DHRS4L2: variants seen among roughly 807,000 people sequenced by gnomAD.
DHRS4L2 encodes dehydrogenase/reductase SDR family member 4-like 2.
A neutral mutation model predicts 23.9 loss-of-function variants in DHRS4L2; 22 were observed. The ratio of observed to expected loss-of-function variants is 0.92; its 90% CI spans 0.66 to 1.31. The LOEUF is 1.31. Ranked by LOEUF, DHRS4L2 falls within the 40% of genes most tolerant of loss-of-function variation. The pLI is 0.00. For synonymous variants in DHRS4L2, 141 were observed against 123.7 expected, an observed-to-expected ratio of 1.14 and a Z score of -0.93; for missense variants, 385 against 303.3, an observed-to-expected ratio of 1.27 and a Z score of -2.00.
At chr14:23,976,222 A>G (rs962819110) in intron 1 of DHRS4L2, among the ~76,000 whole-genome samples, 1 of 151,890 alleles carries the variant, frequency 6.6e-6, no homozygotes, top group Non-Finnish European at 1.5e-5. Flanking sequence ...ACAAAGGTCT[A>G]ATATTCAGAA....
At chr14:23,994,427 C>G (rs1285276979) in intron 2 of DHRS4L2, among the ~76,000 whole-genome samples, 5 of 151,730 alleles carry the variant, frequency 3.3e-5, no homozygotes, top group Admixed American at 1.3e-4. Flanking sequence ...TTCCTGGTGG[C>G]TTGTGCCTAT....
At chr14:24,001,210 A>G in intron 5 of DHRS4L2, 126 bp downstream of exon 5, 1 of 1,587,282 alleles carries the variant, frequency 6.3e-7, no homozygotes, top group Non-Finnish European at 8.6e-7. Context: ...CCCACAAAAT[A>G]GATGCCTTGC....
chr14:23,997,887 T>A (rs1317035505), intron 3 of DHRS4L2, among the ~76,000 whole-genome samples: 1 of 151,864 alleles, frequency 6.6e-6, no homozygotes, highest in Non-Finnish European at 1.5e-5. Flanking sequence ...AAATGGTGCA[T>A]CCTTTACAGA....
intron 1 of DHRS4L2, among the ~76,000 whole-genome samples, chr14:23,976,095 A>G (rs2033958461): frequency 6.6e-6 from 1 of 151,644 alleles, no homozygotes; most frequent in African/African-American, 2.4e-5. Flanking sequence ...ACAAAAGCCA[A>G]AATAGACTAA....
At chr14:23,986,137 A>G (rs1431571218), upstream of DHRS4L2, among the ~76,000 whole-genome samples, 2 of 151,492 alleles carry the variant, frequency 1.3e-5, no homozygotes, top group Non-Finnish European at 2.9e-5. Flanking sequence ...GATTACAGGC[A>G]TGAGCCACCA....
intron 1 of DHRS4L2, among the ~76,000 whole-genome samples, chr14:23,971,809 AC>A (rs2033863081): frequency 6.6e-6 from 1 of 152,106 alleles, no homozygotes; most frequent in African/African-American, 2.4e-5. Context: ...GGCCTGCCTT[AC>A]AATAAGAGCT....
intron 6 of DHRS4L2, among the ~76,000 whole-genome samples, chr14:24,001,833 G>A (rs2138561303): frequency 9.2e-6 from 1 of 108,200 alleles, no homozygotes; most frequent in South Asian, 3.4e-4. Context: ...GATGAGGGCA[G>A]TGGGGAGAGC....
chr14:23,993,206 T>G (rs1398644670), intron 2 of DHRS4L2, among the ~76,000 whole-genome samples: 1 of 151,610 alleles, frequency 6.6e-6, no homozygotes, highest in Non-Finnish European at 1.5e-5. Flanking sequence ...TAGTAACAAG[T>G]CCATTGGTGA....
chr14:23,997,821 A>G (rs866663904), intron 3 of DHRS4L2, among the ~76,000 whole-genome samples: 4 of 150,866 alleles, frequency 2.7e-5, no homozygotes, highest in Non-Finnish European at 1.5e-5. Context: ...AGACTCCTGT[A>G]AATCTAGATA....
chr14:23,993,869 A>G (rs1359392617), intron 2 of DHRS4L2, among the ~76,000 whole-genome samples: 1 of 151,610 alleles, frequency 6.6e-6, no homozygotes, highest in African/African-American at 2.4e-5. Context: ...ACTCACTTTC[A>G]GAGGTCTCTT....
At chr14:23,994,922 T>C in intron 2 of DHRS4L2, 110 bp from the exon 3 acceptor site, 1 of 1,353,836 alleles carries the variant, frequency 7.4e-7, no homozygotes, top group Non-Finnish European at 1.0e-6. Flanking sequence ...GTGCTATGAT[T>C]ACAGGCATGA....
chr14:23,976,754 C>T (rs1034364887), intron 1 of DHRS4L2, among the ~76,000 whole-genome samples: 2 of 151,842 alleles, frequency 1.3e-5, no homozygotes, highest in African/African-American at 4.8e-5. Flanking sequence ...CACATGTATA[C>T]CATGGAATAC....
chr14:23,987,045 T>G (rs182629889), upstream of DHRS4L2, among the ~76,000 whole-genome samples: 2 of 151,816 alleles, frequency 1.3e-5, no homozygotes, highest in East Asian at 3.9e-4. Flanking sequence ...CTGTAACTTC[T>G]TGGCTGAGGA....
intron 1 of DHRS4L2, among the ~76,000 whole-genome samples, chr14:23,981,030 GATGAC>G (rs2034042051): frequency 6.6e-6 from 1 of 151,804 alleles, no homozygotes; most frequent in South Asian, 2.1e-4. Context: ...TCTGTTTGCA[GATGAC>G]ATGATTGTAT....
intron 1 of DHRS4L2, among the ~76,000 whole-genome samples, chr14:23,971,470 A>T (rs1179119773): frequency 6.6e-6 from 1 of 152,062 alleles, no homozygotes; most frequent in Non-Finnish European, 1.5e-5. Context: ...ATAAAAAAGA[A>T]ACATTCAAAT....
At chr14:23,977,374 C>G (rs1353981905) in intron 1 of DHRS4L2, among the ~76,000 whole-genome samples, 1 of 151,676 alleles carries the variant, frequency 6.6e-6, no homozygotes, top group African/African-American at 2.4e-5. Context: ...CTGGGTGTGC[C>G]TCAGATCTGC....
At chr14:23,999,504 A>C (rs976057444) in intron 3 of DHRS4L2, among the ~76,000 whole-genome samples, 12 of 149,628 alleles carry the variant, frequency 8.0e-5, no homozygotes, top group Admixed American at 7.3e-4. Context: ...GACTTTAAAA[A>C]ACACACACAC....
intron 1 of DHRS4L2, among the ~76,000 whole-genome samples, chr14:23,973,160 G>C (rs1594449612): frequency 6.6e-6 from 1 of 152,014 alleles, no homozygotes; most frequent in African/African-American, 2.4e-5. Context: ...ATGGGTGTCA[G>C]GCTGGGGGAC....
In DHRS4L2 at chr14:23,992,653, G is replaced by C. The variant is rs2034293131; in HGVS notation, c.306+2294G>C. Among the ~76,000 whole-genome samples the C allele has an allele frequency of 2.0e-5, 3 of 151,284 alleles. No individual in the cohort carries two copies. In the South Asian group the frequency reaches 6.3e-4, roughly 32 times the overall value. On this transcript the variant is annotated intron_variant, in intron 2 of 7. Transcript: ENST00000335125. ...CAGCTCCTAACCGCTTTAGTGTAGT[G>C]ATCACACAATTTAGAATAAGACTTA...
Sources: gnomAD v4.1 joint callset for allele counts (sites outside exome capture counted in the v4.1 genomes callset) on GRCh38, gnomAD v4.1.1 for gene constraint, MANE v1.5 for transcripts, NCBI Gene and HGNC (gene_info 2026-07-23, HGNC 2026-07-21) for gene names.